ADAMTS19: variants seen among roughly 807,000 people sequenced by gnomAD.
ADAMTS19 encodes A disintegrin and metalloproteinase with thrombospondin motifs 19.
In ADAMTS19, 93 loss-of-function variants were observed where a neutral mutation model predicts 153.3. The ratio of observed to expected loss-of-function variants is 0.61; its 90% confidence interval spans 0.51 to 0.72. ADAMTS19 has a LOEUF of 0.72. Among genes scored for constraint, ADAMTS19 ranks in the 30% least tolerant of loss-of-function variants. The pLI is 0.00. For synonymous variants in ADAMTS19, 600 were observed against 556.6 expected, an observed-to-expected ratio of 1.08 and a Z score of -1.10; for missense variants, 1,482 against 1,552.1, an observed-to-expected ratio of 0.95 and a Z score of 0.76.
intron 6 of ADAMTS19, among the ~76,000 whole-genome samples, chr5:129,547,995 C>A (rs1752924528): frequency 6.6e-6 from 1 of 150,770 alleles, no homozygotes; most frequent in Non-Finnish European, 1.5e-5. Context: ...AAACTGGATC[C>A]CTTCCTTACA....
rs1750233803 is a variant in ADAMTS19, at chr5:129,476,538, G to A, written c.747+14781G>A. On this transcript the variant is annotated intron_variant, in intron 2 of 22. Transcript: ENST00000274487. Reference sequence around the variant, plus strand: ...TGGATTTCACTCACAAACATTCAGAGTTATTCTCTAAATGTAAGCTTGTAC... The same window carrying A: ...TGGATTTCACTCACAAACATTCAGAATTATTCTCTAAATGTAAGCTTGTAC... Among the ~76,000 whole-genome samples the A allele has an allele frequency of 2.0e-5, 3 of 152,206 alleles. No individual in the cohort carries two copies. In the South Asian group the frequency reaches 6.2e-4, roughly 32 times the overall value.
At chr5:129,669,817 T>TG (rs1009093541) in intron 16 of ADAMTS19, among the ~76,000 whole-genome samples, 5 of 152,186 alleles carry the variant, frequency 3.3e-5, no homozygotes, top group African/African-American at 9.6e-5. Flanking sequence ...CCCATGTGAT[T>TG]TTTTTTTCAT....
chr5:129,472,331 A>C (rs1750095170), intron 2 of ADAMTS19, among the ~76,000 whole-genome samples: 1 of 152,218 alleles, frequency 6.6e-6, no homozygotes, highest in Admixed American at 6.5e-5. Context: ...AGAGCTCAAG[A>C]TTCTTTCCTA....
At chr5:129,667,595 C>A (rs769365162) in intron 16 of ADAMTS19, among the ~76,000 whole-genome samples, 3 of 151,906 alleles carry the variant, frequency 2.0e-5, no homozygotes, top group Non-Finnish European at 4.4e-5. Flanking sequence ...GTATGTACCC[C>A]CCACCCTCCT....
chr5:129,730,834 G>T (rs1052167348), intron 21 of ADAMTS19, among the ~76,000 whole-genome samples: 1 of 152,088 alleles, frequency 6.6e-6, no homozygotes, highest in Non-Finnish European at 1.5e-5. Context: ...TGAATATATG[G>T]TTTAATTTAT....
chr5:129,548,781 G>A (rs1246043273), intron 6 of ADAMTS19, among the ~76,000 whole-genome samples: 2 of 151,798 alleles, frequency 1.3e-5, no homozygotes, highest in Admixed American at 6.6e-5. Context: ...CAACCCAAAT[G>A]TCCAACAACG....
intron 21 of ADAMTS19, among the ~76,000 whole-genome samples, chr5:129,716,490 C>T (rs954716384): frequency 2.0e-5 from 3 of 152,142 alleles, no homozygotes; most frequent in Non-Finnish European, 4.4e-5. Flanking sequence ...AGCCACCAAG[C>T]CCGGCCCTCA....
Position 129,679,847 on chromosome 5 carries a change from G to A in ADAMTS19, c.2590G>A (p.Val864Ile), listed in dbSNP as rs149851287. The A allele has an allele frequency of 7.6e-5, 122 of 1,613,968 alleles. No individual in the cohort carries two copies. The highest frequency in any genetic ancestry group is 5.7e-4 in the African/African-American group (43 of 75,020). Residue 864 changes from valine (V) to isoleucine (I), a missense_variant, in exon 17 of 23, where the codon GTT becomes ATT. Physicochemically the swap from Val to Ile is conservative, Grantham distance 29 (BLOSUM62 3). Around this residue, in one of 2 missense-constraint regions of ADAMTS19, gnomAD observed 616 missense variants for 724.4 expected, o/e 0.85. Coordinates refer to ENST00000274487, the MANE Select transcript of ADAMTS19 (RefSeq NM_133638.6). Reference protein sequence around the residue: ...SGAFNLAGTTVHYVRRGLWEK... With the variant: ...SGAFNLAGTTIHYVRRGLWEK... ...AGCCTTCAATTTGGCTGGAACTACC[G>A]TTCATTATGTAAGACGAGGCCTCTG...
In ADAMTS19 at chr5:129,461,696, C is replaced by A; in HGVS notation, c.686C>A (p.Thr229Asn). 6.4e-7 allele frequency: 1 copy of A among 1,562,114 alleles called. No homozygotes were observed. The highest frequency in any genetic ancestry group is 8.6e-7 in the Non-Finnish European group (1 of 1,159,712). The change falls in exon 2 of 23, where the codon ACC (threonine) becomes AAC (asparagine). Residue 229 changes from threonine (T) to asparagine (N), a missense_variant. Physicochemically the swap from Thr to Asn is moderately conservative, Grantham distance 65. Around this residue, in one of 2 missense-constraint regions of ADAMTS19, gnomAD observed 866 missense variants for 827.7 expected, o/e 1.05. Transcript: ENST00000274487. This position sits in a 1 kb window ranked among gnomAD's most constrained non-coding sequence, Gnocchi z 4.6. ...PAPPDAGCFY[T>N]GAVLRHPGSL... The stretch of plus-strand genomic sequence containing the variant: ...CCACCAGACGCAGGCTGCTTCTACA[C>A]CGGAGCTGTGCTGCGGCACCCTGGC...
intron 3 of ADAMTS19, among the ~76,000 whole-genome samples, chr5:129,524,655 A>G (rs1374925350): frequency 6.6e-6 from 1 of 151,478 alleles, no homozygotes; most frequent in Non-Finnish European, 1.5e-5. Context: ...ATGAACAGAC[A>G]CTTCTCAAAA....
intron 7 of ADAMTS19, among the ~76,000 whole-genome samples, chr5:129,568,365 G>T (rs568408034): frequency 6.6e-6 from 1 of 152,048 alleles, no homozygotes; most frequent in Non-Finnish European, 1.5e-5. Context: ...TAATACATGG[G>T]GGGGGATAAA....
chr5:129,704,192 T>A (rs773356325), intron 20 of ADAMTS19, 47 bp from the exon 21 acceptor site: 2 of 1,586,402 alleles, frequency 1.3e-6, no homozygotes, highest in East Asian at 2.2e-5. Flanking sequence ...ATCATCTATA[T>A]CTCCAATTCA....
intron 6 of ADAMTS19, among the ~76,000 whole-genome samples, chr5:129,540,544 G>T (rs1752620415): frequency 6.6e-6 from 1 of 151,884 alleles, no homozygotes; most frequent in Non-Finnish European, 1.5e-5. Flanking sequence ...TTTCCTATTT[G>T]CAGAAATGCT....
chr5:129,664,049 G>A (rs961634954), intron 15 of ADAMTS19, among the ~76,000 whole-genome samples: 2 of 151,984 alleles, frequency 1.3e-5, no homozygotes, highest in Non-Finnish European at 2.9e-5. Context: ...GAATCATAGT[G>A]ATTCTGTCTG....
intron 21 of ADAMTS19, among the ~76,000 whole-genome samples, chr5:129,718,949 T>A (rs1756851384): frequency 6.6e-6 from 1 of 152,198 alleles, no homozygotes; most frequent in South Asian, 2.1e-4. Flanking sequence ...CCTTAGCTGT[T>A]GGCCTGGAGA....
intron 6 of ADAMTS19, among the ~76,000 whole-genome samples, chr5:129,534,444 C>T (rs1752336571): frequency 6.6e-6 from 1 of 152,030 alleles, no homozygotes; most frequent in Admixed American, 6.6e-5. Context: ...AGCTTACCAA[C>T]CAAAAAAATC....
At chr5:129,685,960 T>G (rs1755067754) in intron 18 of ADAMTS19, among the ~76,000 whole-genome samples, 1 of 152,178 alleles carries the variant, frequency 6.6e-6, no homozygotes, top group African/African-American at 2.4e-5. Context: ...TGAAACTATT[T>G]TGTCAATAAA....
chr5:129,529,525 A>G (rs1752126677), intron 6 of ADAMTS19, among the ~76,000 whole-genome samples: 1 of 152,202 alleles, frequency 6.6e-6, no homozygotes, highest in South Asian at 2.1e-4. Context: ...AGCAATCATA[A>G]CATTGGAAAA....
chr5:129,640,461 G>A (rs1328688410), intron 10 of ADAMTS19, among the ~76,000 whole-genome samples: 5 of 152,204 alleles, frequency 3.3e-5, no homozygotes, highest in African/African-American at 9.6e-5. Flanking sequence ...TGGGTCATAA[G>A]TTGACTTTAA....
Sources: allele counts gnomAD v4.1 joint callset (sites outside exome capture counted in the v4.1 genomes callset), GRCh38; gene constraint gnomAD v4.1.1; regional missense constraint gnomAD v4.1.1; non-coding constraint Gnocchi (gnomAD v3.1); transcripts MANE v1.5; gene names NCBI Gene and HGNC (gene_info 2026-07-23, HGNC 2026-07-21).